NOL4L: variants seen among roughly 807,000 people sequenced by gnomAD.
NOL4L encodes the protein nucleolar protein 4-like.
NOL4L carries 7 observed loss-of-function variants against 64.5 expected under a neutral mutation model. That is an observed-to-expected ratio of 0.11 (90% CI 0.06 to 0.20). The LOEUF is 0.20. Among genes scored for constraint, NOL4L ranks in the 10% least tolerant of loss-of-function variants. The probability of loss-of-function intolerance (pLI) is 1.00; values close to 1 mark genes in which losing one functional copy is unlikely to be tolerated. For missense variants in NOL4L, 680 were observed against 967.1 expected (o/e 0.70, Z 3.94); for synonymous variants, 413 against 401.0 (o/e 1.03, Z -0.36).
intron 1 of NOL4L, among the ~76,000 whole-genome samples, chr20:32,574,107 C>T (rs1979934706): frequency 6.6e-6 from 1 of 152,196 alleles, no homozygotes; most frequent in Non-Finnish European, 1.5e-5. Flanking sequence ...TCAAAGCAGG[C>T]AAGCCATTTG....
intron 1 of NOL4L, chr20:32,535,466 T>C: frequency 2.5e-6 from 1 of 400,744 alleles, no homozygotes; most frequent in Non-Finnish European, 3.4e-6. Context: ...GTGCACAATC[T>C]CCAACTGTTA....
intron 4 of NOL4L, among the ~76,000 whole-genome samples, chr20:32,478,451 G>A (rs781129426): frequency 9.9e-5 from 15 of 152,168 alleles, no homozygotes; most frequent in Non-Finnish European, 2.1e-4. Flanking sequence ...CCCACCTGTA[G>A]GTGCAGTGGG....
intron 5 of NOL4L, among the ~76,000 whole-genome samples, chr20:32,474,120 A>G (rs1311507707): frequency 2.0e-5 from 3 of 152,248 alleles, no homozygotes; most frequent in South Asian, 2.1e-4. Context: ...AGCCAGCCGC[A>G]TCGCATCCCA....
intron 1 of NOL4L, among the ~76,000 whole-genome samples, chr20:32,537,443 G>A (rs766296489): frequency 1.3e-5 from 2 of 152,216 alleles, no homozygotes; most frequent in East Asian, 3.8e-4. Context: ...TCACGGCCTC[G>A]TTTCACTTTC....
chr20:32,488,778 C>CCTTTCTTCCTTT (rs1568647546), intron 4 of NOL4L, among the ~76,000 whole-genome samples: 12 of 53,238 alleles, frequency 2.3e-4, no homozygotes, highest in Admixed American at 4.4e-4. Context: ...TTCCTTCCTT[C>CCTTTCTTCCTTT]CTTCCTTCCT....
In NOL4L at chr20:32,447,797, C is replaced by A. The variant is rs373397422; in HGVS notation, c.1842G>T (p.Met614Ile). 1 of 1,566,268 alleles carries A rather than the reference C, an allele frequency of 6.4e-7. No individual in the cohort carries two copies. The highest frequency in any genetic ancestry group is 8.7e-7 in the Non-Finnish European group (1 of 1,152,666). The change falls in exon 11 of 11, where the codon ATG becomes ATT. Residue 614 changes from methionine (M) to isoleucine (I), a missense_variant. Transcript: ENST00000621426. Reference protein sequence around the residue: ...NHSNGPTDLSMKGGASTTSTT... With the variant: ...NHSNGPTDLSIKGGASTTSTT... ...TGGAGGTGGTAGAGGCCCCGCCTTT[C>A]ATGCTGAGGTCCGTGGGCCCTGTGG...
At chr20:32,488,049 C>G (rs2016169813) in intron 4 of NOL4L, among the ~76,000 whole-genome samples, 1 of 152,012 alleles carries the variant, frequency 6.6e-6, no homozygotes, top group Non-Finnish European at 1.5e-5. Context: ...TGTGTCTCAG[C>G]CTCCCAAGTA....
chr20:32,507,693 A>G (rs2017190401), intron 4 of NOL4L, among the ~76,000 whole-genome samples: 1 of 152,246 alleles, frequency 6.6e-6, no homozygotes, highest in African/African-American at 2.4e-5. Flanking sequence ...TTTCAGATAT[A>G]GAGCTTTGTT....
At chr20:32,538,765 C>T (rs533135560) in intron 1 of NOL4L, among the ~76,000 whole-genome samples, 6 of 152,172 alleles carry the variant, frequency 3.9e-5, no homozygotes, top group Non-Finnish European at 8.8e-5. Context: ...GGGGAGGCAG[C>T]GGCAGGCGGG....
intron 1 of NOL4L, among the ~76,000 whole-genome samples, chr20:32,580,723 TGGAAACTTCCTCTCTCTAG>T (rs1980412846): frequency 6.6e-6 from 1 of 152,098 alleles, no homozygotes; most frequent in African/African-American, 2.4e-5. Flanking sequence ...TCTCAACAAA[TGGAAACTTCCTCTCTCTAG>T]GCCTCAGTTT....
intron 5 of NOL4L, among the ~76,000 whole-genome samples, chr20:32,470,298 G>A (rs1042219064): frequency 6.6e-6 from 1 of 152,238 alleles, no homozygotes; most frequent in African/African-American, 2.4e-5. Context: ...GAGTGGCCCC[G>A]CCTGCCGGGT....
intron 10 of NOL4L, among the ~76,000 whole-genome samples, chr20:32,448,312 G>A (rs1428520637): frequency 6.6e-6 from 1 of 152,194 alleles, no homozygotes; most frequent in Admixed American, 6.5e-5. Flanking sequence ...CCTGAGAGAT[G>A]CGTGTGGGGA....
chr20:32,533,095 G>A (rs1254243138), intron 1 of NOL4L, among the ~76,000 whole-genome samples: 3 of 152,086 alleles, frequency 2.0e-5, no homozygotes, highest in Non-Finnish European at 4.4e-5. Flanking sequence ...AGTCTAGCCT[G>A]GGCAACACAG....
At chr20:32,475,571 CA>C (rs1295433064) in intron 4 of NOL4L, among the ~76,000 whole-genome samples, 1 of 152,370 alleles carries the variant, frequency 6.6e-6, no homozygotes, top group African/African-American at 2.4e-5. Flanking sequence ...CCCAGCCCTC[CA>C]GGGGGAAGGG....
chr20:32,498,072 C>A (rs2016768402), intron 4 of NOL4L, among the ~76,000 whole-genome samples: 1 of 152,206 alleles, frequency 6.6e-6, no homozygotes, highest in Admixed American at 6.5e-5. Flanking sequence ...AGGTCTGCAG[C>A]CCGGAAGGGG....
In NOL4L at chr20:32,584,837, G is replaced by A. The variant is rs775489322; in HGVS notation, c.54C>T (p.Pro18=). The change falls in exon 1 of 11, where the codon CCC becomes CCT. Residue 18 remains proline (P), a synonymous_variant. Coordinates refer to ENST00000621426, the MANE Select transcript of NOL4L (RefSeq NM_001256798.2). The part of the protein sequence containing the change: ...LRGGWERERS[P]GDSELGRQFR... Reference sequence around the variant, plus strand: ...ACTGGCGGCCCAGCTCCGAGTCCCCGGGGCTGCGCTCGCGCTCCCAGCCCC... The same window carrying A: ...ACTGGCGGCCCAGCTCCGAGTCCCCAGGGCTGCGCTCGCGCTCCCAGCCCC... 6.1e-6 allele frequency: 9 copies of A among 1,477,388 alleles called. No individual in the cohort carries two copies. The highest frequency in any genetic ancestry group is 3.6e-4 in the Middle Eastern group (2 of 5,610). 91.5% of individuals were successfully genotyped at this position (1,477,388 alleles called of 1,614,324 possible).
intron 4 of NOL4L, chr20:32,475,397 C>A: frequency 1.0e-6 from 1 of 960,402 alleles, no homozygotes; most frequent in Admixed American, 6.1e-5. Flanking sequence ...TCGGACCAGA[C>A]CGCAAAGGGG....
chr20:32,567,908 A>G (rs1398237698), intron 1 of NOL4L, among the ~76,000 whole-genome samples: 3 of 150,148 alleles, frequency 2.0e-5, no homozygotes, highest in Non-Finnish European at 2.9e-5. Context: ...CTTCATCACC[A>G]TCATTACCAC....
At chr20:32,577,433 T>G (rs757393096) in intron 1 of NOL4L, among the ~76,000 whole-genome samples, 25 of 152,218 alleles carry the variant, frequency 1.6e-4, no homozygotes, top group Non-Finnish European at 3.4e-4. Flanking sequence ...GAGCCTTCTG[T>G]ATGTCATAAC....
Sources: allele counts gnomAD v4.1 joint callset (sites outside exome capture counted in the v4.1 genomes callset), GRCh38; gene constraint gnomAD v4.1.1; transcripts MANE v1.5; gene names NCBI Gene and HGNC (gene_info 2026-07-23, HGNC 2026-07-21).